Variants in C13orf42 observed in about 807,000 individuals in gnomAD.
C13orf42 encodes the protein uncharacterized protein C13orf42.
chr13:51,108,573 G>A (rs766720058), intron 1 of C13orf42, among the ~76,000 whole-genome samples: 6 of 152,190 alleles, frequency 3.9e-5, no homozygotes, highest in Non-Finnish European at 7.3e-5. Flanking sequence ...ACGGCTAAGA[G>A]CCTCCTGTAT....
chr13:51,118,461 C>G (rs192736659), intron 1 of C13orf42, among the ~76,000 whole-genome samples: 8 of 152,274 alleles, frequency 5.3e-5, no homozygotes, highest in Middle Eastern at 3.4e-3. Flanking sequence ...TTGTGGGGCT[C>G]CAAGTGTTGG....
At chr13:51,123,703 A>G (rs895491422) in intron 1 of C13orf42, among the ~76,000 whole-genome samples, 20 of 152,202 alleles carry the variant, frequency 1.3e-4, no homozygotes, top group Admixed American at 1.2e-3. Flanking sequence ...CACCTCAAGT[A>G]CTTACTATTT....
At chr13:51,138,260 T>C (rs1953671836) in intron 1 of C13orf42, among the ~76,000 whole-genome samples, 1 of 152,258 alleles carries the variant, frequency 6.6e-6, no homozygotes, top group Non-Finnish European at 1.5e-5. Context: ...TATTATGACT[T>C]CACAGTTTTA....
intron 1 of C13orf42, among the ~76,000 whole-genome samples, chr13:51,122,911 TAAAGTCAAACCAAGA>T (rs1167855048): frequency 6.6e-6 from 1 of 152,222 alleles, no homozygotes; most frequent in African/African-American, 2.4e-5. Flanking sequence ...CACCGTCATC[TAAAGTCAAACCAAGA>T]GGCGGGGGCA....
Position 51,084,129 on chromosome 13 carries a change from A to C in C13orf42, c.*22T>G, listed in dbSNP as rs180787795. The C allele has an allele frequency of 8.5e-3, 3,385 of 398,682 alleles. 27 individuals are homozygous for C. Among genetic ancestry groups the C allele is most frequent in the South Asian group, 0.02 (154 of 7,858 alleles). 24.7% of individuals were successfully genotyped at this position (398,682 alleles called of 1,614,324 possible). A position where few individuals can be genotyped will look rare whatever the true frequency, so the allele number is the denominator to read the frequency against. ...GCTTCTCAGGGACCCAGTCTGAGAC[A>C]CGTCAAGGAATCCAGATGGAGTCAG... On this transcript the variant is annotated 3_prime_UTR_variant, in exon 4 of 4. Transcript: ENST00000563710.
At position 51,104,774 on chromosome 13, in the gene C13orf42, T is replaced by TA. The variant is rs11336196; in HGVS notation, c.414+6021dup. ...TGTATGTGAATTAAAGCTATTATATTAAAAAAAAAAAAAAAGCCAAGCTAA... is the reference window on the plus strand; with the variant it reads ...TGTATGTGAATTAAAGCTATTATATTAAAAAAAAAAAAAAAAGCCAAGCTAA... On this transcript the variant is annotated intron_variant, in intron 1 of 3. Transcript: ENST00000563710. Among the ~76,000 whole-genome samples, 905 of 140,672 alleles carry TA rather than the reference T, an allele frequency of 6.4e-3. 7 individuals carry two copies. The highest frequency in any genetic ancestry group is 0.018 in the Middle Eastern group (5 of 272). 92.3% of individuals were successfully genotyped at this position (140,672 alleles called of 152,430 possible). A position where few individuals can be genotyped will look rare whatever the true frequency, so the allele number is the denominator to read the frequency against.
chr13:51,148,302 G>A (rs185734417), intron 1 of C13orf42, among the ~76,000 whole-genome samples: 4 of 152,362 alleles, frequency 2.6e-5, no homozygotes, highest in Admixed American at 2.6e-4. Context: ...CCTGCCCTGT[G>A]CCAGGCACTG....
At chr13:51,119,392 C>T (rs1367211576) in intron 1 of C13orf42, among the ~76,000 whole-genome samples, 3 of 152,076 alleles carry the variant, frequency 2.0e-5, no homozygotes, top group Admixed American at 1.3e-4. Flanking sequence ...AAAAAGAGTC[C>T]TCGTTTGTCT....
intron 1 of C13orf42, among the ~76,000 whole-genome samples, chr13:51,121,209 G>A (rs1309056948): frequency 2.0e-5 from 3 of 152,154 alleles, no homozygotes; most frequent in Non-Finnish European, 2.9e-5. Context: ...GATTCACCAA[G>A]CAGATCAGAG....
At chr13:51,116,070 T>TAAA (rs575782502), upstream of C13orf42, among the ~76,000 whole-genome samples, 1 of 140,518 alleles carries the variant, frequency 7.1e-6, no homozygotes, top group Admixed American at 7.1e-5. Flanking sequence ...AAACCTCTAA[T>TAAA]AAAAAAAAAA....
At chr13:51,153,928 T>C (rs1050837031) in intron 1 of C13orf42, among the ~76,000 whole-genome samples, 1 of 152,132 alleles carries the variant, frequency 6.6e-6, no homozygotes, top group African/African-American at 2.4e-5. Flanking sequence ...CCACCATGCC[T>C]GACCCAACCC....
intron 1 of C13orf42, among the ~76,000 whole-genome samples, chr13:51,147,772 C>G (rs1425115216): frequency 6.8e-6 from 1 of 147,234 alleles, no homozygotes; most frequent in Non-Finnish European, 1.5e-5. Context: ...GGTCTTCAAC[C>G]CTAGTTGCAC....
intron 1 of C13orf42, among the ~76,000 whole-genome samples, chr13:51,163,109 T>C (rs1953878688): frequency 6.6e-6 from 1 of 152,134 alleles, no homozygotes; most frequent in Non-Finnish European, 1.5e-5. Context: ...CCCAAACCCC[T>C]TGAGGTTGAG....
intron 1 of C13orf42, among the ~76,000 whole-genome samples, chr13:51,119,036 T>C (rs1236747676): frequency 6.6e-6 from 1 of 151,968 alleles, no homozygotes; most frequent in East Asian, 1.9e-4. Flanking sequence ...TGCCCAGGTC[T>C]ACAGTGTGCT....
At chr13:51,086,819 G>A (rs1953132791) in intron 2 of C13orf42, among the ~76,000 whole-genome samples, 1 of 152,152 alleles carries the variant, frequency 6.6e-6, no homozygotes, top group South Asian at 2.1e-4. Flanking sequence ...GGGCAGGGCT[G>A]CTGTCTGTCA....
chr13:51,166,024 T>C (rs1473257118), intron 1 of C13orf42, among the ~76,000 whole-genome samples: 1 of 152,216 alleles, frequency 6.6e-6, no homozygotes, highest in Non-Finnish European at 1.5e-5. Flanking sequence ...ACAGAATTAT[T>C]ATTCCCATGT....
At chr13:51,091,276 G>A (rs1252113626) in intron 1 of C13orf42, among the ~76,000 whole-genome samples, 1 of 152,188 alleles carries the variant, frequency 6.6e-6, no homozygotes, top group Admixed American at 6.5e-5. Context: ...TGAGTCAGTG[G>A]CGGCACACTG....
At chr13:51,108,131 C>T (rs991004104) in intron 1 of C13orf42, among the ~76,000 whole-genome samples, 7 of 152,168 alleles carry the variant, frequency 4.6e-5, no homozygotes, top group African/African-American at 1.7e-4. Flanking sequence ...TGTGTCCTCA[C>T]ATGGCCATCT....
chr13:51,097,128 C>T (rs1215936062), intron 1 of C13orf42, among the ~76,000 whole-genome samples: 1 of 152,224 alleles, frequency 6.6e-6, no homozygotes, highest in African/African-American at 2.4e-5. Flanking sequence ...AATAGCTGTT[C>T]TCCATTGTAC....
Sources: gnomAD v4.1 joint callset for allele counts (sites outside exome capture counted in the v4.1 genomes callset) on GRCh38, gnomAD v4.1.1 for gene constraint, MANE v1.5 for transcripts, NCBI Gene and HGNC (gene_info 2026-07-23, HGNC 2026-07-21) for gene names.